ENOX2: variants seen among roughly 807,000 people sequenced by gnomAD.
ENOX2 encodes ecto-NOX disulfide-thiol exchanger 2.
A neutral mutation model predicts 45.0 loss-of-function variants in ENOX2; 36 were observed. The ratio of observed to expected loss-of-function variants is 0.80; its 90% CI spans 0.61 to 1.06. The LOEUF (loss-of-function observed/expected upper bound fraction) is 1.06, where lower values mean the gene tolerates loss of function less well. ENOX2 is among the 50% of genes least tolerant of loss of function. The pLI, the probability that ENOX2 is intolerant of heterozygous loss-of-function variation, is 0.00. For synonymous variants in ENOX2, 174 were observed against 152.3 expected (o/e 1.14, Z -1.05); for missense variants, 423 against 462.5 (o/e 0.91, Z 0.78).
At chrX:130,847,936 A>T (rs2078139832) in intron 2 of ENOX2, among the ~76,000 whole-genome samples, 1 of 111,892 alleles carries the variant, frequency 8.9e-6, no homozygotes, top group African/African-American at 3.3e-5. Context: ...CCCCAGTTTC[A>T]AAGCTCTCTA....
At chrX:130,834,311 T>G (rs2077889716) in intron 2 of ENOX2, among the ~76,000 whole-genome samples, 1 of 111,730 alleles carries the variant, frequency 9.0e-6, no homozygotes, top group East Asian at 2.8e-4. Flanking sequence ...ACAATGGAAC[T>G]CCATCTCTTT....
At chrX:130,778,065 A>G (rs1232001666) in intron 3 of ENOX2, among the ~76,000 whole-genome samples, 1 of 111,967 alleles carries the variant, frequency 8.9e-6, no homozygotes, top group Non-Finnish European at 1.9e-5. Flanking sequence ...CTCTTTAAAA[A>G]CAATCAACGC....
chrX:130,667,953 T>A (rs2036880010), intron 7 of ENOX2, among the ~76,000 whole-genome samples: 1 of 110,357 alleles, frequency 9.1e-6, no homozygotes, highest in Non-Finnish European at 1.9e-5. Flanking sequence ...GTCAGACTGG[T>A]TGTGGTCTGT....
At chrX:130,695,281 G>C (rs2037727179) in intron 4 of ENOX2, among the ~76,000 whole-genome samples, 1 of 111,812 alleles carries the variant, frequency 8.9e-6, no homozygotes, top group Admixed American at 9.5e-5. Flanking sequence ...ACAGTGTTTT[G>C]GGGCCTCTTT....
At chrX:130,808,403 A>T (rs188934090) in intron 2 of ENOX2, among the ~76,000 whole-genome samples, 219 of 111,808 alleles carry the variant, frequency 2.0e-3, no homozygotes, top group Non-Finnish European at 3.1e-3. Context: ...AGACTTCTTT[A>T]CATAGCCCCT....
intron 2 of ENOX2, among the ~76,000 whole-genome samples, chrX:130,829,356 T>C (rs149765117): frequency 3.3e-3 from 368 of 111,591 alleles, no homozygotes; most frequent in African/African-American, 0.011. Flanking sequence ...TGCTTACTTA[T>C]TTTGTAGAAG....
chrX:130,728,527 C>T (rs893200873), intron 3 of ENOX2, among the ~76,000 whole-genome samples: 1 of 111,689 alleles, frequency 9.0e-6, no homozygotes, highest in African/African-American at 3.3e-5. Flanking sequence ...CCTAGTTCAG[C>T]TCTAGGTGTA....
chrX:130,701,287 T>C (rs2037891226), intron 4 of ENOX2, among the ~76,000 whole-genome samples: 1 of 110,892 alleles, frequency 9.0e-6, no homozygotes, highest in Admixed American at 9.7e-5. Context: ...TGTCTAGTCA[T>C]CTTAGACTAT....
intron 9 of ENOX2, among the ~76,000 whole-genome samples, chrX:130,664,273 A>G (rs1023840389): frequency 8.9e-6 from 1 of 112,322 alleles, no homozygotes; most frequent in African/African-American, 3.2e-5. Flanking sequence ...TATCTCATGT[A>G]TTCTCGTGAA....
At chrX:130,715,923 C>T (rs1158983320) in intron 3 of ENOX2, among the ~76,000 whole-genome samples, 3 of 111,515 alleles carry the variant, frequency 2.7e-5, no homozygotes, top group Non-Finnish European at 5.6e-5. Context: ...TTAGTAAATG[C>T]TTGTAGAATA....
chrX:130,701,857 T>C (rs1360170794), intron 4 of ENOX2, among the ~76,000 whole-genome samples: 45 of 112,436 alleles, frequency 4.0e-4, no homozygotes, highest in Admixed American at 4.0e-3. Context: ...CAATTGTTGT[T>C]GTTCTAATGG....
intron 12 of ENOX2, 132 bp from the exon 13 acceptor site, chrX:130,631,708 A>C: frequency 5.2e-6 from 2 of 383,441 alleles, no homozygotes; most frequent in Non-Finnish European, 9.3e-6. Flanking sequence ...ACTGAATGGG[A>C]GAGAAAATAG....
intron 3 of ENOX2, among the ~76,000 whole-genome samples, chrX:130,736,181 T>G (rs1243488860): frequency 9.0e-6 from 1 of 110,909 alleles, no homozygotes; most frequent in Non-Finnish European, 1.9e-5. Flanking sequence ...CTGGCCAACA[T>G]AGTGAAACAC....
intron 10 of ENOX2, among the ~76,000 whole-genome samples, chrX:130,652,405 A>C (rs770973924): frequency 8.9e-6 from 1 of 111,770 alleles, no homozygotes; most frequent in African/African-American, 3.2e-5. Flanking sequence ...ATATTCATTT[A>C]ATAATTTTCT....
At position 130,884,706 on chromosome X, in the gene ENOX2, A is replaced by G. The variant is rs183372643; in HGVS notation, c.-183+16978T>C. Among the ~76,000 whole-genome samples the G allele has an allele frequency of 7.2e-4, 80 of 110,957 alleles. 1 individual carries two copies. Among genetic ancestry groups the G allele is most frequent in the Admixed American group, 5.1e-3 (53 of 10,452 alleles). On this transcript the variant is annotated intron_variant, in intron 2 of 14. Transcript: ENST00000394363. ...AGAAACCATTTGGAAATTTTAAAAGATAAGAATGCTGATCTATGAGAGAGA... is the reference window on the plus strand; with the variant it reads ...AGAAACCATTTGGAAATTTTAAAAGGTAAGAATGCTGATCTATGAGAGAGA...
At chrX:130,816,792 A>C (rs1421356629) in intron 2 of ENOX2, among the ~76,000 whole-genome samples, 1 of 112,103 alleles carries the variant, frequency 8.9e-6, no homozygotes, top group African/African-American at 3.2e-5. Flanking sequence ...TAGACACTAA[A>C]TACCCACAGG....
intron 2 of ENOX2, among the ~76,000 whole-genome samples, chrX:130,829,122 G>A (rs140886270): frequency 0.051 from 5,717 of 111,025 alleles, 171 homozygotes; most frequent in Non-Finnish European, 0.075. Context: ...TCTCTGATGG[G>A]CTACTTGTTG....
chrX:130,794,476 G>A (rs1175588002), intron 2 of ENOX2, among the ~76,000 whole-genome samples: 2 of 112,698 alleles, frequency 1.8e-5, no homozygotes, highest in Non-Finnish European at 3.7e-5. Context: ...CTGGTCAGGA[G>A]CCTAGGCTGA....
chrX:130,790,845 C>G (rs755526251), intron 2 of ENOX2, among the ~76,000 whole-genome samples: 153 of 112,650 alleles, frequency 1.4e-3, no homozygotes, highest in Non-Finnish European at 2.2e-3. Context: ...AGGGAAACTA[C>G]TATTCATTGG....
Sources: gnomAD v4.1 joint callset for allele counts (sites outside exome capture counted in the v4.1 genomes callset) on GRCh38, gnomAD v4.1.1 for gene constraint, MANE v1.5 for transcripts, NCBI Gene and HGNC (gene_info 2026-07-23, HGNC 2026-07-21) for gene names.